PTOV1: variants seen among roughly 807,000 people sequenced by gnomAD.
The protein encoded by PTOV1 is PTOV1 extended AT-hook containing adaptor protein, also known as prostate tumor-overexpressed gene 1 protein.
A neutral mutation model predicts 58.0 loss-of-function variants in PTOV1; 20 were observed. The observed-to-expected ratio is 0.34, with a 90% CI of 0.24 to 0.50. The LOEUF (loss-of-function observed/expected upper bound fraction) is 0.50. PTOV1 is among the 20% of genes least tolerant of loss of function. PTOV1 has a pLI of 0.98. For missense variants in PTOV1, 593 were observed against 565.4 expected (o/e 1.05, Z -0.50); for synonymous variants, 335 against 234.2 (o/e 1.43, Z -3.93).
intron 5 of PTOV1, chr19:49,856,725 C>T (rs932517222): frequency 9.8e-6 from 5 of 510,054 alleles, no homozygotes; most frequent in Non-Finnish European, 1.8e-5. Context: ...GAGGTAGTGC[C>T]TTCTTGGCAT....
exon 7 of PTOV1, chr19:49,857,778 A>C: frequency 6.2e-7 from 1 of 1,614,112 alleles, no homozygotes; most frequent in Non-Finnish European, 8.5e-7. Flanking sequence ...ATGGAGTGGC[A>C]GGAGGTGAGC....
intron 1 of PTOV1, 126 bp downstream of exon 1, chr19:49,851,625 C>T (rs945947708): frequency 2.8e-6 from 3 of 1,072,646 alleles, no homozygotes; most frequent in Non-Finnish European, 2.3e-6. Flanking sequence ...AAGGGTGGTC[C>T]CGCCCGGGGC....
intron 1 of PTOV1, among the ~76,000 whole-genome samples, chr19:49,854,128 T>C (rs1184731740): frequency 6.6e-6 from 1 of 151,944 alleles, no homozygotes; most frequent in Non-Finnish European, 1.5e-5. Context: ...AGGCTGGAGG[T>C]GGGGCTGGCT....
exon 1 of PTOV1, chr19:49,851,349 C>T: frequency 9.1e-7 from 1 of 1,097,796 alleles, no homozygotes; most frequent in Non-Finnish European, 1.1e-6. Context: ...CGCGCCGTGC[C>T]CCGTACCGCT....
At chr19:49,860,603 C>T in exon 12 of PTOV1, 4 of 517,522 alleles carry the variant, frequency 7.7e-6, no homozygotes, top group Non-Finnish European at 1.0e-5. Context: ...CCACTGCACC[C>T]CTGCCCCCAG....
At chr19:49,852,187 C>G in intron 1 of PTOV1, 1 of 637,780 alleles carries the variant, frequency 1.6e-6, no homozygotes, top group Non-Finnish European at 2.0e-6. Context: ...CACACGCTTG[C>G]CCCGATGTGA....
rs899875352 is a variant in PTOV1, at chr19:49,852,688, C to G, written c.171+1189C>G. ...TCCAGATCCCAGCATATTTGAAGTC[C>G]TGAGTCAACCTGCTCTCCTAGACAA... On this transcript the variant is annotated intron_variant, in intron 1 of 11. Coordinates refer to ENST00000391842, the Ensembl canonical transcript of PTOV1. 5 of 152,190 alleles carry G rather than the reference C, an allele frequency of 3.3e-5. No homozygotes were observed. In the East Asian group the frequency reaches 9.6e-4, roughly 29 times the overall value. The allele number at this position is 152,190 out of a possible 1,614,324, so 9.4% of individuals were successfully genotyped here.
chr19:49,858,696 A>G (rs2074595145), intron 10 of PTOV1, 43 bp downstream of exon 10: 1 of 1,517,220 alleles, frequency 6.6e-7, no homozygotes, highest in Non-Finnish European at 9.0e-7. Context: ...CGGCCAGGGC[A>G]GAGCGAGCCC....
chr19:49,851,377 C>T (rs1452783050), exon 1 of PTOV1: 2 of 1,147,694 alleles, frequency 1.7e-6, no homozygotes, highest in Admixed American at 4.8e-5. Flanking sequence ...CGGGGGCCCC[C>T]TCGGGGGTCG....
At position 49,854,257 on chromosome 19, in the gene PTOV1, G is replaced by A. The variant is rs1180847731; in HGVS notation, c.172-149G>A. 13 of 1,043,310 alleles carry A rather than the reference G, an allele frequency of 1.2e-5. No individual in the cohort carries two copies. The East Asian group carries it at 1.9e-4, about 15-fold the overall frequency. The allele number at this position is 1,043,310 out of a possible 1,614,324, so 64.6% of individuals were successfully genotyped here. A position where few individuals can be genotyped will look rare whatever the true frequency, so the allele number is the denominator to read the frequency against. Reference sequence around the variant, plus strand: ...GACCAGCGTGTGGGGGTCCTGAGGGGTGAGCAGAGGGTTTGGACATGGCCC... The same window carrying A: ...GACCAGCGTGTGGGGGTCCTGAGGGATGAGCAGAGGGTTTGGACATGGCCC... On this transcript the variant is annotated intron_variant, in intron 1 of 11. Coordinates refer to ENST00000391842, the Ensembl canonical transcript of PTOV1.
chr19:49,854,834 G>A, exon 4 of PTOV1: 1 of 1,613,356 alleles, frequency 6.2e-7, no homozygotes, highest in East Asian at 2.2e-5. Flanking sequence ...CCCATAGGGA[G>A]ACCGACCAGT....
intron 10 of PTOV1, among the ~76,000 whole-genome samples, chr19:49,859,530 C>T (rs2074648451): frequency 6.6e-6 from 1 of 151,972 alleles, no homozygotes; most frequent in Non-Finnish European, 1.5e-5. Flanking sequence ...TGAGATCATG[C>T]CATTGTACTC....
At chr19:49,858,276 C>A in intron 9 of PTOV1, 162 bp downstream of exon 9, 1 of 972,548 alleles carries the variant, frequency 1.0e-6, no homozygotes, top group Non-Finnish European at 1.5e-6. Context: ...GGCTTGGCTT[C>A]AAGGGGTCCC....
intron 5 of PTOV1, chr19:49,856,187 A>G (rs996487276): frequency 6.6e-6 from 1 of 152,192 alleles, no homozygotes; most frequent in Non-Finnish European, 1.5e-5. Context: ...AGGGCCTGCC[A>G]TATCTGGGCC....
chr19:49,854,399 A>G lies in PTOV1; in HGVS notation c.172-7A>G, dbSNP rs746945805. On this transcript the variant is annotated splice_polypyrimidine_tract_variant and splice_region_variant and intron_variant, in intron 1 of 11. Coordinates refer to ENST00000391842, the Ensembl canonical transcript of PTOV1. ...AGTTTTCCCACCTATCCCCCACTCCATTGCAGGAAGGTGCTCGGGTCTTCG... is the reference window on the plus strand; with the variant it reads ...AGTTTTCCCACCTATCCCCCACTCCGTTGCAGGAAGGTGCTCGGGTCTTCG... The G allele has an allele frequency of 1.1e-5, 18 of 1,605,920 alleles. No homozygotes were observed. The highest frequency in any genetic ancestry group is 2.2e-5 in the South Asian group (2 of 90,684).
chr19:49,858,634 G>A (rs371169661), exon 10 of PTOV1: 23 of 1,601,038 alleles, frequency 1.4e-5, no homozygotes, highest in East Asian at 2.3e-5. Context: ...AGCCTGTGCC[G>A]GATCATGGAC....
exon 12 of PTOV1, chr19:49,860,348 C>T (rs752367342): frequency 2.6e-6 from 4 of 1,567,918 alleles, no homozygotes; most frequent in Middle Eastern, 2.0e-4. Flanking sequence ...TGAGTGGTGA[C>T]CCTGTCATGT....
chr19:49,853,484 C>T (rs1600364053), intron 1 of PTOV1, among the ~76,000 whole-genome samples: 1 of 144,088 alleles, frequency 6.9e-6, no homozygotes, highest in East Asian at 2.0e-4. Context: ...GGTGAAACCC[C>T]ATCTCTACTA....
At position 49,854,596 on chromosome 19, in the gene PTOV1, G is replaced by A. The variant is rs552910419; in HGVS notation, c.309+53G>A. 219 of 1,612,820 alleles carry A rather than the reference G, an allele frequency of 1.4e-4. 2 individuals are homozygous for A. The South Asian group carries it at 2.0e-3, about 15-fold the overall frequency. On this transcript the variant is annotated intron_variant, in intron 2 of 11. Coordinates refer to ENST00000391842, the Ensembl canonical transcript of PTOV1. Reference sequence around the variant, plus strand: ...CTCCAGGGTCTTGTCTTGTCCCTGCGGGGACAGGCCAGGGCATCTAGGCTG... The same window carrying A: ...CTCCAGGGTCTTGTCTTGTCCCTGCAGGGACAGGCCAGGGCATCTAGGCTG...
Sources: allele counts gnomAD v4.1 joint callset (sites outside exome capture counted in the v4.1 genomes callset), GRCh38; gene constraint gnomAD v4.1.1; transcripts MANE v1.5; gene names NCBI Gene and HGNC (gene_info 2026-07-23, HGNC 2026-07-21).